The following CAMK2A variants were observed in gnomAD, a reference collection of about 807,000 sequenced individuals.
CAMK2A encodes the protein calcium/calmodulin-dependent protein kinase type II subunit alpha.
CAMK2A carries 7 observed loss-of-function variants against 79.2 expected under a neutral mutation model. The ratio of observed to expected loss-of-function variants is 0.09; its 90% CI spans 0.05 to 0.17. The LOEUF (loss-of-function observed/expected upper bound fraction) is 0.17, where lower values mean the gene tolerates loss of function less well. Among genes scored for constraint, CAMK2A ranks in the 10% least tolerant of loss-of-function variants. CAMK2A has a pLI of 1.00. For missense variants in CAMK2A, 214 were observed against 646.4 expected (o/e 0.33, Z 7.25); for synonymous variants, 242 against 251.7 (o/e 0.96, Z 0.36).
intron 15 of CAMK2A, among the ~76,000 whole-genome samples, chr5:150,234,049 G>A (rs1297303548): frequency 6.6e-6 from 1 of 152,192 alleles, no homozygotes; most frequent in African/African-American, 2.4e-5. Context: ...CTGGCCTCAG[G>A]TGATCTGCCC....
In CAMK2A at chr5:150,272,044, C is replaced by A. The variant is rs115986397; in HGVS notation, c.157+1021G>T. ...CCAAAACCCAGATCACACCCCAGACCAACTCTCTGGAGGACCCGAGAGTGG... is the reference window on the plus strand; with the variant it reads ...CCAAAACCCAGATCACACCCCAGACAAACTCTCTGGAGGACCCGAGAGTGG... On this transcript the variant is annotated intron_variant, in intron 2 of 18. Transcript: ENST00000671881. 0.011 allele frequency among the ~76,000 whole-genome samples: 1,637 copies of A among 152,312 alleles called. 47 individuals carry two copies. The East Asian group carries it at 0.12, about 11-fold the overall frequency.
At position 150,250,763 on chromosome 5, in the gene CAMK2A, C is replaced by G; in HGVS notation, c.741G>C (p.Leu247=). ...GGTTAATGGTCAGCATCTTATTGAT[C>G]AGATCCTTGGCTTCCGGGGTGACAG... The part of the protein sequence containing the change: ...WDTVTPEAKD[L]INKMLTINPS... The change falls in exon 10 of 19, where the codon CTG becomes CTC. Residue 247 remains leucine (L), a synonymous_variant. Transcript: ENST00000671881. 1 of 1,614,088 alleles carries G rather than the reference C, an allele frequency of 6.2e-7. No homozygotes were observed. The highest frequency in any genetic ancestry group is 8.5e-7 in the Non-Finnish European group (1 of 1,179,976).
chr5:150,245,324 C>T lies in CAMK2A; in HGVS notation c.944-123G>A, dbSNP rs1198721069. Reference sequence around the variant, plus strand: ...ACTGCAGGGAGCAGAGCTGGCCCAGCGATCCTGGGGGAGGCCTCCTCCTCC... The same window carrying T: ...ACTGCAGGGAGCAGAGCTGGCCCAGTGATCCTGGGGGAGGCCTCCTCCTCC... On this transcript the variant is annotated intron_variant, in intron 12 of 18. Transcript: ENST00000671881. The T allele has an allele frequency of 9.8e-6, 8 of 812,334 alleles. No homozygotes were observed. In the East Asian group the frequency reaches 1.1e-4, roughly 11 times the overall value. 50.3% of individuals were successfully genotyped at this position (812,334 alleles called of 1,614,324 possible).
chr5:150,237,581 G>A (rs1755138542), intron 15 of CAMK2A, among the ~76,000 whole-genome samples: 4 of 151,836 alleles, frequency 2.6e-5, no homozygotes, highest in Admixed American at 2.6e-4. Flanking sequence ...GCGGTTACCA[G>A]CCAAGCTCTA....
chr5:150,256,073 C>T lies in CAMK2A; in HGVS notation c.411+500G>A, dbSNP rs1299762075. Among the ~76,000 whole-genome samples the T allele has an allele frequency of 1.3e-5, 2 of 152,310 alleles. No individual in the cohort carries two copies. The highest frequency in any genetic ancestry group is 3.9e-4 in the East Asian group (2 of 5,182). ...GGGCCTAGAGTCTGGTTTTTCTTCTCCCCTGGCCTGCCAGAGATGCAGGAA... is the reference window on the plus strand; with the variant it reads ...GGGCCTAGAGTCTGGTTTTTCTTCTTCCCTGGCCTGCCAGAGATGCAGGAA... On this transcript the variant is annotated intron_variant, in intron 6 of 18. Coordinates refer to ENST00000671881, the MANE Select transcript of CAMK2A (RefSeq NM_015981.4). The surrounding 1 kb of genome is among the most constrained non-coding windows in gnomAD (Gnocchi z 4.6).
chr5:150,269,544 G>C (rs947621937), intron 2 of CAMK2A, among the ~76,000 whole-genome samples: 1 of 151,924 alleles, frequency 6.6e-6, no homozygotes. Context: ...ATAGGGACGG[G>C]GGTCTCACCA....
intron 12 of CAMK2A, 28 bp downstream of exon 12, chr5:150,247,744 C>T: frequency 1.3e-6 from 2 of 1,597,786 alleles, no homozygotes; most frequent in East Asian, 4.5e-5. Context: ...GCAGGGCTTA[C>T]TGGGGACCCT....
At chr5:150,251,685 G>C in intron 9 of CAMK2A, 65 bp downstream of exon 9, 1 of 1,260,338 alleles carries the variant, frequency 7.9e-7, no homozygotes, top group Non-Finnish European at 1.1e-6. Flanking sequence ...AGAGTGGCTT[G>C]GCGCTGGCTT....
At chr5:150,289,394 C>A (rs1375137437) in intron 1 of CAMK2A, among the ~76,000 whole-genome samples, 170 bp downstream of exon 1, 4 of 152,186 alleles carry the variant, frequency 2.6e-5, no homozygotes, top group African/African-American at 9.7e-5. Flanking sequence ...AACATACCCA[C>A]GCCCGACTCT....
intron 15 of CAMK2A, among the ~76,000 whole-genome samples, chr5:150,233,416 C>T (rs935199638): frequency 6.6e-6 from 1 of 152,208 alleles, no homozygotes; most frequent in Non-Finnish European, 1.5e-5. Flanking sequence ...CCACTGTGAA[C>T]AGCTAATTCC....
chr5:150,289,761 G>T lies in CAMK2A; in HGVS notation c.-136C>A. On this transcript the variant is annotated 5_prime_UTR_variant, in exon 1 of 19. Transcript: ENST00000671881. ...AACAGAGAACCGGTTTGACTGACGA[G>T]CCCGGGGCTTCTGAGCAGGGCACTG... The T allele has an allele frequency of 1.5e-6, 1 of 647,672 alleles. No homozygotes were observed. The highest frequency in any genetic ancestry group is 2.7e-6 in the Non-Finnish European group (1 of 371,956). The allele number at this position is 647,672 out of a possible 1,614,324, so 40.1% of individuals were successfully genotyped here.
At chr5:150,222,850 G>T in intron 18 of CAMK2A, 137 bp from the exon 19 acceptor site, 1 of 1,384,744 alleles carries the variant, frequency 7.2e-7, no homozygotes, top group Non-Finnish European at 1.0e-6. Context: ...CTGCAGGCCT[G>T]GCCCCCTTCT....
At chr5:150,282,707 C>G (rs975099991) in intron 1 of CAMK2A, among the ~76,000 whole-genome samples, 2 of 152,268 alleles carry the variant, frequency 1.3e-5, no homozygotes, top group African/African-American at 4.8e-5. Flanking sequence ...CTCCAATATA[C>G]TGAATCGAAC....
chr5:150,246,989 C>T (rs1378477693), intron 12 of CAMK2A, among the ~76,000 whole-genome samples: 1 of 152,276 alleles, frequency 6.6e-6, no homozygotes, highest in Non-Finnish European at 1.5e-5. Context: ...CTGCGCTCCC[C>T]AGAAGGAAGC....
chr5:150,274,555 T>C (rs934836099), intron 1 of CAMK2A, among the ~76,000 whole-genome samples: 2 of 152,224 alleles, frequency 1.3e-5, no homozygotes, highest in Admixed American at 1.3e-4. Context: ...GGCCCGATAC[T>C]GACCGTAGTC....
At chr5:150,232,699 A>C (rs1407401253) in intron 15 of CAMK2A, among the ~76,000 whole-genome samples, 4 of 152,196 alleles carry the variant, frequency 2.6e-5, no homozygotes, top group African/African-American at 9.7e-5. Context: ...AGCATTTCTC[A>C]GTCTGGAAGC....
At chr5:150,231,252 C>A (rs1326077481) in intron 16 of CAMK2A, 53 bp downstream of exon 16, 23 of 1,039,524 alleles carry the variant, frequency 2.2e-5, no homozygotes, top group Non-Finnish European at 2.9e-5. Flanking sequence ...GCCATTGGTA[C>A]CCCCTGAACA....
At chr5:150,276,047 T>A (rs1756931534) in intron 1 of CAMK2A, among the ~76,000 whole-genome samples, 1 of 152,178 alleles carries the variant, frequency 6.6e-6, no homozygotes, top group African/African-American at 2.4e-5. Context: ...GATGTTCTCA[T>A]CACCCAGGAA....
intron 2 of CAMK2A, among the ~76,000 whole-genome samples, chr5:150,271,304 T>A (rs1756738822): frequency 6.6e-6 from 1 of 152,158 alleles, no homozygotes; most frequent in Non-Finnish European, 1.5e-5. Context: ...ACCCTCACCC[T>A]AACCCCAGCC....
Sources: allele counts gnomAD v4.1 joint callset (sites outside exome capture counted in the v4.1 genomes callset), GRCh38; gene constraint gnomAD v4.1.1; non-coding constraint Gnocchi (gnomAD v3.1); transcripts MANE v1.5; gene names NCBI Gene and HGNC (gene_info 2026-07-23, HGNC 2026-07-21).